SCCPDH: variants seen among roughly 807,000 people sequenced by gnomAD.
SCCPDH encodes the protein saccharopine dehydrogenase-like oxidoreductase.
In SCCPDH, 34 loss-of-function variants were observed where a neutral mutation model predicts 51.5. That is an observed-to-expected ratio of 0.66 (90% CI 0.50 to 0.88). The LOEUF is 0.88. Among genes scored for constraint, SCCPDH ranks in the 40% least tolerant of loss-of-function variants. The probability of loss-of-function intolerance (pLI) is 0.00; values close to 1 mark genes in which losing one functional copy is unlikely to be tolerated. For missense variants in SCCPDH, 464 were observed against 527.1 expected, an observed-to-expected ratio of 0.88 and a Z score of 1.17; for synonymous variants, 187 against 191.3, an observed-to-expected ratio of 0.98 and a Z score of 0.19.
chr1:246,750,053 T>C (rs1411887950), intron 5 of SCCPDH, among the ~76,000 whole-genome samples: 1 of 152,138 alleles, frequency 6.6e-6, no homozygotes. Context: ...CTGTCCATGA[T>C]TCTGGAGGGG....
At chr1:246,743,601 AC>A (rs1317489048) in intron 4 of SCCPDH, among the ~76,000 whole-genome samples, 2 of 150,952 alleles carry the variant, frequency 1.3e-5, no homozygotes, top group Non-Finnish European at 2.9e-5. Context: ...AAAGAAAGTG[AC>A]CCTCCTACCT....
chr1:246,724,480 G>C lies in SCCPDH; in HGVS notation c.58G>C (p.Gly20Arg). 1.3e-6 allele frequency: 2 copies of C among 1,588,426 alleles called. No homozygotes were observed. The highest frequency in any genetic ancestry group is 1.7e-6 in the Non-Finnish European group (2 of 1,170,192). The change falls in exon 1 of 12, where the codon GGC (glycine) becomes CGC (arginine). Residue 20 changes from glycine (G) to arginine (R), a missense_variant. Coordinates refer to ENST00000366510, the MANE Select transcript of SCCPDH (RefSeq NM_016002.3). ...GGTGTTCGGCGCGTCTGGCTTCACC[G>C]GCCAGTTCGTGACCGAGGAGGTGGC... ...LVVFGASGFT[G>R]QFVTEEVARE... is the part of the protein sequence containing the mutation.
chr1:246,729,818 G>A (rs1019992995), intron 2 of SCCPDH, among the ~76,000 whole-genome samples: 2 of 151,670 alleles, frequency 1.3e-5, no homozygotes, highest in African/African-American at 4.8e-5. Flanking sequence ...GTAAAGACAG[G>A]TGTAAGAAAT....
intron 5 of SCCPDH, among the ~76,000 whole-genome samples, chr1:246,753,493 T>C (rs574738206): frequency 1.3e-5 from 2 of 152,308 alleles, no homozygotes; most frequent in East Asian, 3.9e-4. Context: ...TGCTTCATCT[T>C]TCCCTTGCTG....
intron 5 of SCCPDH, among the ~76,000 whole-genome samples, chr1:246,749,628 T>G (rs1418717302): frequency 1.3e-5 from 2 of 152,130 alleles, no homozygotes; most frequent in African/African-American, 4.8e-5. Context: ...GAATGTATGG[T>G]TTTAAGAAGC....
chr1:246,735,570 C>T (rs547491389), intron 2 of SCCPDH, among the ~76,000 whole-genome samples: 4 of 152,318 alleles, frequency 2.6e-5, no homozygotes, highest in East Asian at 1.9e-4. Flanking sequence ...CTCACTCTGT[C>T]GCCCAGGCTG....
At chr1:246,729,524 C>T (rs3007319) in intron 2 of SCCPDH, among the ~76,000 whole-genome samples, 6,255 of 152,300 alleles carry the variant, frequency 0.041, 183 homozygotes, top group Non-Finnish European at 0.062. Flanking sequence ...TCTGCCCAGT[C>T]GCGCAGGCAG....
intron 5 of SCCPDH, among the ~76,000 whole-genome samples, chr1:246,745,549 T>C (rs1668746323): frequency 6.6e-6 from 1 of 152,166 alleles, no homozygotes; most frequent in South Asian, 2.1e-4. Flanking sequence ...TCATGAACTT[T>C]CTGGAGAAGC....
intron 5 of SCCPDH, among the ~76,000 whole-genome samples, chr1:246,745,083 C>A (rs1035643262): frequency 1.3e-5 from 2 of 152,166 alleles, no homozygotes; most frequent in African/African-American, 2.4e-5. Flanking sequence ...TTTTATCATG[C>A]GCCTAACTTA....
In SCCPDH at chr1:246,759,914, A is replaced by G. The variant is rs376569468; in HGVS notation, c.814-43A>G. On this transcript the variant is annotated intron_variant, in intron 7 of 11. Transcript: ENST00000366510. ...AACTAACATTCTTACTTGGTCCAAA[A>G]TGTAGGGAGTAATGTTCTAACTTTG... 70 of 1,583,844 alleles carry G rather than the reference A, an allele frequency of 4.4e-5. No individual in the cohort carries two copies. The African/African-American group carries it at 8.9e-4, about 20-fold the overall frequency.
Position 246,724,476 on chromosome 1 carries a change from C to T in SCCPDH, c.54C>T (p.Phe18=). Residue 18 remains phenylalanine, a synonymous_variant, in exon 1 of 12, where the codon TTC becomes TTT. Transcript: ENST00000366510. The part of the protein sequence containing the change: ...FHLVVFGASG[F]TGQFVTEEVA... ...TGGTGGTGTTCGGCGCGTCTGGCTT[C>T]ACCGGCCAGTTCGTGACCGAGGAGG... is the stretch of plus-strand genomic sequence containing the variant. 6.3e-7 allele frequency: 1 copy of T among 1,589,992 alleles called. No individual in the cohort carries two copies. The highest frequency in any genetic ancestry group is 8.5e-7 in the Non-Finnish European group (1 of 1,170,894).
intron 3 of SCCPDH, among the ~76,000 whole-genome samples, chr1:246,737,258 G>A (rs1311749165): frequency 1.3e-5 from 2 of 148,686 alleles, no homozygotes; most frequent in African/African-American, 4.9e-5. Context: ...GCCCAGGCGA[G>A]GTGGCTCACG....
rs2102992453 is a variant in SCCPDH at position 246,767,438 on chromosome 1, T to C, written c.*138T>C. 4.3e-6 allele frequency: 2 copies of C among 466,954 alleles called. No individual in the cohort carries two copies. Among genetic ancestry groups the C allele is most frequent in the East Asian group, 7.0e-5 (2 of 28,496 alleles). 28.9% of individuals were successfully genotyped at this position (466,954 alleles called of 1,614,324 possible). A position where few individuals can be genotyped will look rare whatever the true frequency, so the allele number is the denominator to read the frequency against. On this transcript the variant is annotated 3_prime_UTR_variant, in exon 12 of 12. Transcript: ENST00000366510. ...TCTAAAATATCTATATATTAAAAAG[T>C]AGGAAATTGTCCTAGCTTACCCTAA...
At chr1:246,726,571 A>G (rs879358773) in intron 1 of SCCPDH, among the ~76,000 whole-genome samples, 11 of 152,192 alleles carry the variant, frequency 7.2e-5, no homozygotes, top group Non-Finnish European at 1.6e-4. Context: ...GGAAGTCTGG[A>G]TAGTTATCTG....
chr1:246,747,462 G>A (rs1213341901), intron 5 of SCCPDH, among the ~76,000 whole-genome samples: 1 of 152,200 alleles, frequency 6.6e-6, no homozygotes. Context: ...AAAGCATGTG[G>A]GTCACCTGAG....
At chr1:246,751,955 AT>A (rs1418346994) in intron 5 of SCCPDH, among the ~76,000 whole-genome samples, 1 of 139,350 alleles carries the variant, frequency 7.2e-6, no homozygotes, top group African/African-American at 2.7e-5. Flanking sequence ...TTTTTTTTGT[AT>A]TTTTTTAGTA....
intron 2 of SCCPDH, 38 bp from the exon 3 acceptor site, chr1:246,735,937 A>G (rs1338076354): frequency 7.3e-7 from 1 of 1,366,262 alleles, no homozygotes; most frequent in Non-Finnish European, 1.0e-6. Context: ...TAAACTTGTC[A>G]AGCAAGAATA....
intron 5 of SCCPDH, among the ~76,000 whole-genome samples, chr1:246,750,983 G>A (rs1233605142): frequency 6.6e-6 from 1 of 152,232 alleles, no homozygotes. Flanking sequence ...GTCACACATG[G>A]CGTGGGGCCC....
intron 10 of SCCPDH, 28 bp from the exon 11 acceptor site, chr1:246,766,030 T>C (rs772635392): frequency 6.6e-6 from 10 of 1,510,628 alleles, no homozygotes; most frequent in Non-Finnish European, 8.2e-6. Flanking sequence ...GATTCCTTTC[T>C]TTTTCCCTGA....
Sources: allele counts gnomAD v4.1 joint callset (sites outside exome capture counted in the v4.1 genomes callset), GRCh38; gene constraint gnomAD v4.1.1; transcripts MANE v1.5; gene names NCBI Gene and HGNC (gene_info 2026-07-23, HGNC 2026-07-21).